FHIT: variants seen among roughly 807,000 people sequenced by gnomAD.
FHIT encodes fragile histidine triad diadenosine triphosphatase, also known as bis(5'-adenosyl)-triphosphatase.
In FHIT, 19 loss-of-function variants were observed where a neutral mutation model predicts 17.9. The ratio of observed to expected loss-of-function variants is 1.06; its 90% CI spans 0.74 to 1.56. The LOEUF (loss-of-function observed/expected upper bound fraction) is 1.56. Ranked by LOEUF, FHIT falls within the 40% of genes most tolerant of loss-of-function variation. FHIT has a pLI of 0.00. For synonymous variants in FHIT, 81 were observed against 69.7 expected (o/e 1.16, Z -0.81); for missense variants, 248 against 189.2 (o/e 1.31, Z -1.82).
chr3:61,215,483 T>G lies in FHIT; in HGVS notation c.-212-14818A>C, dbSNP rs536490735. On this transcript the variant is annotated intron_variant, in intron 1 of 9. Transcript: ENST00000492590. The stretch of plus-strand genomic sequence containing the variant: ...AGGAGAACTACAAACCACTGCTCAA[T>G]GAAATAAAAGACGATACAAACAAAT... Among the ~76,000 whole-genome samples, 67 of 152,162 alleles carry G rather than the reference T, an allele frequency of 4.4e-4. 2 individuals carry two copies. Among genetic ancestry groups the G allele is most frequent in the African/African-American group, 1.4e-3 (57 of 41,512 alleles).
intron 5 of FHIT, among the ~76,000 whole-genome samples, chr3:60,437,468 A>G (rs1211331608): frequency 6.6e-6 from 1 of 152,124 alleles, no homozygotes; most frequent in Non-Finnish European, 1.5e-5. Context: ...AAACTTGCTG[A>G]ATCCTGCTCT....
At chr3:60,977,991 CTCTT>C (rs1347653878) in intron 3 of FHIT, among the ~76,000 whole-genome samples, 2 of 152,210 alleles carry the variant, frequency 1.3e-5, no homozygotes, top group African/African-American at 4.8e-5. Context: ...TAATTTTATG[CTCTT>C]TCTTTCATTC....
intron 5 of FHIT, among the ~76,000 whole-genome samples, chr3:60,161,788 C>T (rs1312472263): frequency 6.6e-6 from 1 of 152,102 alleles, no homozygotes; most frequent in Non-Finnish European, 1.5e-5. Context: ...TCACAATCAG[C>T]ATATGGAGAC....
intron 5 of FHIT, among the ~76,000 whole-genome samples, chr3:60,049,381 T>C (rs1199431909): frequency 6.6e-6 from 1 of 152,222 alleles, no homozygotes; most frequent in Non-Finnish European, 1.5e-5. Context: ...TTTTAATTTA[T>C]CTTTAATTTA....
intron 5 of FHIT, among the ~76,000 whole-genome samples, chr3:60,384,221 T>A (rs1261795823): frequency 6.8e-6 from 1 of 148,006 alleles, no homozygotes; most frequent in Admixed American, 6.8e-5. Flanking sequence ...TGAGCTGAGA[T>A]CACACCACTG....
At chr3:59,851,957 A>C (rs1027613727) in intron 8 of FHIT, among the ~76,000 whole-genome samples, 1 of 152,204 alleles carries the variant, frequency 6.6e-6, no homozygotes, top group African/African-American at 2.4e-5. Flanking sequence ...TTACCCTTTC[A>C]TCTTGCTCTA....
intron 2 of FHIT, among the ~76,000 whole-genome samples, chr3:61,135,403 T>C (rs183323290): frequency 1.3e-5 from 2 of 152,348 alleles, no homozygotes; most frequent in African/African-American, 4.8e-5. Flanking sequence ...AGGCACTTTA[T>C]AGTCATCATC....
At chr3:60,266,712 T>C (rs1026777778) in intron 5 of FHIT, among the ~76,000 whole-genome samples, 1 of 151,906 alleles carries the variant, frequency 6.6e-6, no homozygotes, top group Non-Finnish European at 1.5e-5. Context: ...GAGAGTAAAA[T>C]AGAGGGTCTC....
rs187157447 is a variant in FHIT, at chr3:60,870,432, T to C, written c.-110-48421A>G. ...CTAGGGAAAGGAAGCCTTTAGTTAA[T>C]GGCCTTCAAGTATTCTAATGTAGGG... On this transcript the variant is annotated intron_variant, in intron 3 of 9. Transcript: ENST00000492590. Among the ~76,000 whole-genome samples the C allele has an allele frequency of 3.3e-5, 5 of 152,234 alleles. No individual in the cohort carries two copies. In the East Asian group the frequency reaches 5.8e-4, roughly 18 times the overall value.
intron 8 of FHIT, among the ~76,000 whole-genome samples, chr3:59,915,821 A>T (rs942746971): frequency 2.0e-5 from 3 of 151,860 alleles, no homozygotes; most frequent in African/African-American, 7.3e-5. Flanking sequence ...AGTCCTAGCC[A>T]CTCAGGAGGC....
chr3:61,012,723 T>C (rs951541581), intron 3 of FHIT, among the ~76,000 whole-genome samples: 3 of 151,450 alleles, frequency 2.0e-5, no homozygotes, highest in East Asian at 1.9e-4. Flanking sequence ...AAGAAATACA[T>C]ATTTTTTGTT....
At chr3:60,836,156 T>C (rs1333385401) in intron 3 of FHIT, among the ~76,000 whole-genome samples, 4 of 152,192 alleles carry the variant, frequency 2.6e-5, no homozygotes, top group Admixed American at 6.5e-5. Flanking sequence ...TGGTATATTA[T>C]TCTTTTAGCC....
At chr3:60,381,042 T>C (rs962965028) in intron 5 of FHIT, among the ~76,000 whole-genome samples, 3 of 152,190 alleles carry the variant, frequency 2.0e-5, no homozygotes, top group African/African-American at 7.2e-5. Context: ...ATTTTTAACA[T>C]AACCAAAAAG....
At chr3:59,884,535 T>C (rs554241446) in intron 8 of FHIT, among the ~76,000 whole-genome samples, 34 of 152,304 alleles carry the variant, frequency 2.2e-4, no homozygotes, top group African/African-American at 6.7e-4. Flanking sequence ...AGACATTTAT[T>C]GTGTCATTGT....
At chr3:60,659,704 T>C (rs1172671060) in intron 4 of FHIT, among the ~76,000 whole-genome samples, 2 of 152,198 alleles carry the variant, frequency 1.3e-5, no homozygotes, top group African/African-American at 2.4e-5. Context: ...TTTTAGTTTT[T>C]TGAGCATCTT....
intron 5 of FHIT, among the ~76,000 whole-genome samples, chr3:60,199,416 A>T (rs1020780078): frequency 3.9e-5 from 6 of 152,136 alleles, no homozygotes; most frequent in Non-Finnish European, 7.4e-5. Flanking sequence ...AGTTAGAAAC[A>T]TTCTGGATTG....
chr3:60,896,714 C>A (rs2107202955), intron 3 of FHIT, among the ~76,000 whole-genome samples: 1 of 152,274 alleles, frequency 6.6e-6, no homozygotes, highest in Non-Finnish European at 1.5e-5. Context: ...TAACTTGAAT[C>A]AGTATTTTTT....
chr3:60,736,493 A>G (rs542163377), intron 4 of FHIT, among the ~76,000 whole-genome samples: 1 of 152,342 alleles, frequency 6.6e-6, no homozygotes, highest in Admixed American at 6.5e-5. Flanking sequence ...ACATCTCACA[A>G]CATGGATGAG....
chr3:60,495,646 A>G (rs559413445), intron 5 of FHIT, among the ~76,000 whole-genome samples: 1 of 152,264 alleles, frequency 6.6e-6, no homozygotes, highest in African/African-American at 2.4e-5. Flanking sequence ...CAGTATGTCA[A>G]ATTTCCATAA....
Sources: gnomAD v4.1 joint callset for allele counts (sites outside exome capture counted in the v4.1 genomes callset) on GRCh38, gnomAD v4.1.1 for gene constraint, MANE v1.5 for transcripts, NCBI Gene and HGNC (gene_info 2026-07-23, HGNC 2026-07-21) for gene names.